Variants in LRIG1 observed in about 807,000 individuals in gnomAD.
LRIG1 encodes leucine-rich repeats and immunoglobulin-like domains protein 1.
Under a neutral mutation model 99.2 loss-of-function variants are expected in LRIG1, and 48 were observed. The ratio of observed to expected loss-of-function variants is 0.48; its 90% CI spans 0.38 to 0.62. The LOEUF (loss-of-function observed/expected upper bound fraction) is 0.62. Among genes scored for constraint, LRIG1 ranks in the 20% least tolerant of loss-of-function variants. The probability of loss-of-function intolerance (pLI) is 0.00; values close to 1 mark genes in which losing one functional copy is unlikely to be tolerated. For missense variants in LRIG1, 1,646 were observed against 1,434.4 expected, an observed-to-expected ratio of 1.15 and a Z score of -2.38; for synonymous variants, 772 against 596.1, an observed-to-expected ratio of 1.29 and a Z score of -4.30.
intron 1 of LRIG1, among the ~76,000 whole-genome samples, chr3:66,474,545 C>T (rs549271110): frequency 1.2e-4 from 19 of 152,210 alleles, no homozygotes; most frequent in South Asian, 8.3e-4. Context: ...GGGGTTTCAC[C>T]ACATTGGCCA....
chr3:66,500,302 C>T lies in LRIG1; in HGVS notation c.106G>A (p.Gly36Ser), dbSNP rs1701328224. The T allele has an allele frequency of 1.4e-6, 2 of 1,471,760 alleles. No individual in the cohort carries two copies. Among genetic ancestry groups the T allele is most frequent in the African/African-American group, 1.4e-5 (1 of 69,012 alleles). The allele number at this position is 1,471,760 out of a possible 1,614,324, so 91.2% of individuals were successfully genotyped here. The stretch of plus-strand genomic sequence containing the variant: ...GCGGCCGCGCAGGGCGCCCGCGGGC[C>T]GGCCGCGGCGGTCACCGGCTCCAGC... ...LRLEPVTAAA[G>S]PRAPCAAACT... The change falls in exon 1 of 19, where the codon GGC becomes AGC. Residue 36 changes from glycine to serine, a missense_variant. By Grantham distance (56) the Gly-to-Ser change is moderately conservative. Coordinates refer to ENST00000273261, the MANE Select transcript of LRIG1 (RefSeq NM_015541.3).
At chr3:66,437,194 A>C (rs981480090) in intron 3 of LRIG1, among the ~76,000 whole-genome samples, 4 of 152,184 alleles carry the variant, frequency 2.6e-5, no homozygotes, top group Admixed American at 6.5e-5. Flanking sequence ...CCTTCGCTTC[A>C]CAGAAAGCCT....
Position 66,385,985 on chromosome 3 carries a change from C to G in LRIG1, c.1785G>C (p.Val595=). 6.2e-7 allele frequency: 1 copy of G among 1,613,014 alleles called. No homozygotes were observed. Among genetic ancestry groups the G allele is most frequent in the Non-Finnish European group, 8.5e-7 (1 of 1,179,220 alleles). Residue 595 remains valine, a synonymous_variant, in exon 13 of 19, where the codon GTG becomes GTC. Coordinates refer to ENST00000273261, the MANE Select transcript of LRIG1 (RefSeq NM_015541.3). ...STYSHKARLT[V]NVLPSFTKTP... is the part of the protein sequence containing the mutation. ...ACAAAGATGGTGTTTCCATACCATT[C>G]ACGGTGAGCCTGGCCTTATGTGAAT...
intron 13 of LRIG1, 143 bp downstream of exon 13, chr3:66,385,838 C>T (rs1398222864): frequency 5.1e-6 from 4 of 783,390 alleles, no homozygotes; most frequent in Non-Finnish European, 8.2e-6. Flanking sequence ...TGGGGCAAAC[C>T]CAGGCAACAA....
intron 3 of LRIG1, among the ~76,000 whole-genome samples, chr3:66,435,631 T>C (rs1333773704): frequency 6.6e-6 from 1 of 152,086 alleles, no homozygotes; most frequent in Non-Finnish European, 1.5e-5. Flanking sequence ...TAAATGACTG[T>C]GGCCATAAAG....
At chr3:66,467,173 A>G (rs1700491776) in intron 1 of LRIG1, among the ~76,000 whole-genome samples, 1 of 152,196 alleles carries the variant, frequency 6.6e-6, no homozygotes. Flanking sequence ...CACGTTTCCT[A>G]ACAAGTCCCC....
chr3:66,483,898 C>T (rs928763180), intron 1 of LRIG1, among the ~76,000 whole-genome samples: 2 of 152,204 alleles, frequency 1.3e-5, no homozygotes, highest in Admixed American at 6.5e-5. Context: ...ACGAGGCGCC[C>T]GAGGACCTCA....
Position 66,500,768 on chromosome 3 carries a change from G to T in LRIG1, c.-361C>A, listed in dbSNP as rs1467551675. On this transcript the variant is annotated 5_prime_UTR_variant, in exon 1 of 19. Transcript: ENST00000273261. ...CGGCCGAGGGCAGTGCTGCCGCTGC[G>T]CCTGGAAGACAGGCGTTCAGCCCCG... is the stretch of plus-strand genomic sequence containing the variant. 1.2e-5 allele frequency: 2 copies of T among 168,034 alleles called. No homozygotes were observed. The highest frequency in any genetic ancestry group is 6.4e-5 in the Admixed American group (1 of 15,610). The allele number at this position is 168,034 out of a possible 1,614,324, so 10.4% of individuals were successfully genotyped here.
At chr3:66,404,417 C>T (rs1457045165) in intron 9 of LRIG1, 13 of 1,217,798 alleles carry the variant, frequency 1.1e-5, no homozygotes, top group East Asian at 5.8e-5. Flanking sequence ...TAATGACTCT[C>T]GTCCCCTTCC....
At chr3:66,436,701 G>A (rs542374652) in intron 3 of LRIG1, among the ~76,000 whole-genome samples, 2 of 152,216 alleles carry the variant, frequency 1.3e-5, no homozygotes, top group African/African-American at 4.8e-5. Context: ...CTGTGGTAGC[G>A]AAGTCTAAAC....
At chr3:66,422,165 G>A (rs1006196005) in intron 3 of LRIG1, among the ~76,000 whole-genome samples, 3 of 152,196 alleles carry the variant, frequency 2.0e-5, no homozygotes, top group African/African-American at 7.2e-5. Flanking sequence ...TCTCTGACAT[G>A]CCCTGGAGAC....
chr3:66,415,112 T>C lies in LRIG1; in HGVS notation c.504-49A>G, dbSNP rs774225632. 5 of 1,550,754 alleles carry C rather than the reference T, an allele frequency of 3.2e-6. No homozygotes were observed. The South Asian group carries it at 5.1e-5, about 16-fold the overall frequency. On this transcript the variant is annotated intron_variant, in intron 4 of 18. Coordinates refer to ENST00000273261, the MANE Select transcript of LRIG1 (RefSeq NM_015541.3). ...TGTGGTGGTTGGTCAAAGGCCTTCC[T>C]CATTTCATTATAGACACCAGACCTC...
In LRIG1 at chr3:66,434,419, C is replaced by T. The variant is rs150654196; in HGVS notation, c.365+17140G>A. ...AAATGAAAACCATAATGAGCTATCA[C>T]TGCACACCTATCAGAATGGCTGAAA... On this transcript the variant is annotated intron_variant, in intron 3 of 18. Coordinates refer to ENST00000273261, the MANE Select transcript of LRIG1 (RefSeq NM_015541.3). 3.1e-3 allele frequency among the ~76,000 whole-genome samples: 474 copies of T among 152,312 alleles called. 2 individuals are homozygous for T. The highest frequency in any genetic ancestry group is 0.011 in the African/African-American group (438 of 41,558).
In LRIG1 at chr3:66,468,294, T is replaced by C. The variant is rs116522208; in HGVS notation, c.219-5785A>G. 7.9e-3 allele frequency among the ~76,000 whole-genome samples: 1,200 copies of C among 152,282 alleles called. 19 individuals carry two copies. The highest frequency in any genetic ancestry group is 0.026 in the African/African-American group (1,085 of 41,532). ...ATCACTTCATCCCCAAAAGCAAGCA[T>C]TGCTCACAGACCACTGACGAACACA... On this transcript the variant is annotated intron_variant, in intron 1 of 18. Coordinates refer to ENST00000273261, the MANE Select transcript of LRIG1 (RefSeq NM_015541.3).
At chr3:66,420,113 C>T (rs1702755721) in intron 3 of LRIG1, among the ~76,000 whole-genome samples, 1 of 152,066 alleles carries the variant, frequency 6.6e-6, no homozygotes, top group African/African-American at 2.4e-5. Context: ...AAAAAACAAC[C>T]AACCTGATTT....
Position 66,386,300 on chromosome 3 carries a change from A to T in LRIG1, c.1470T>A (p.Asp490Glu), listed in dbSNP as rs1434016027. The T allele has an allele frequency of 5.0e-6, 8 of 1,613,200 alleles. No individual in the cohort carries two copies. The South Asian group carries it at 8.8e-5, about 18-fold the overall frequency. Reference protein sequence around the residue: ...FSVPPESFVCDDFLKPQIITQ... With the variant: ...FSVPPESFVCEDFLKPQIITQ... ...TGATGATCTGTGGCTTCAGGAAGTC[A>T]TCTGGGGAGAGAAGGGTCAACTGTA... Residue 490 changes from aspartate to glutamate, a missense_variant and splice_region_variant, in exon 13 of 19, where the codon GAT (aspartate) becomes GAA (glutamate). Transcript: ENST00000273261.
At chr3:66,411,460 T>C (rs1437822996) in intron 6 of LRIG1, among the ~76,000 whole-genome samples, 1 of 152,236 alleles carries the variant, frequency 6.6e-6, no homozygotes, top group Non-Finnish European at 1.5e-5. Flanking sequence ...ACCCAGCACA[T>C]GACCACCTTG....
At chr3:66,470,340 A>G (rs1700569019) in intron 1 of LRIG1, among the ~76,000 whole-genome samples, 2 of 152,246 alleles carry the variant, frequency 1.3e-5, no homozygotes, top group South Asian at 2.1e-4. Flanking sequence ...AGCTGTAATG[A>G]GAAACGTTTA....
intron 1 of LRIG1, among the ~76,000 whole-genome samples, chr3:66,492,404 A>G (rs1701121085): frequency 6.6e-6 from 1 of 152,190 alleles, no homozygotes; most frequent in Non-Finnish European, 1.5e-5. Flanking sequence ...TAGAAAATAA[A>G]GTTGTGAGTT....
Sources: allele counts gnomAD v4.1 joint callset (sites outside exome capture counted in the v4.1 genomes callset), GRCh38; gene constraint gnomAD v4.1.1; transcripts MANE v1.5; gene names NCBI Gene and HGNC (gene_info 2026-07-23, HGNC 2026-07-21).